The following TBCD variants were observed in gnomAD, a reference collection of about 807,000 sequenced individuals.
TBCD encodes tubulin folding cofactor D.
TBCD carries 105 observed loss-of-function variants against 169.3 expected under a neutral mutation model. The observed-to-expected ratio is 0.62, with a 90% confidence interval of 0.53 to 0.73. The LOEUF (loss-of-function observed/expected upper bound fraction) is 0.73, where lower values mean the gene tolerates loss of function less well. Ranked by LOEUF, TBCD falls within the 30% of genes least tolerant of loss-of-function variation. TBCD has a pLI of 0.00. For synonymous variants in TBCD, 700 were observed against 643.9 expected, an observed-to-expected ratio of 1.09 and a Z score of -1.32; for missense variants, 1,444 against 1,600.1, an observed-to-expected ratio of 0.90 and a Z score of 1.66.
chr17:82,817,565 A>G lies in TBCD; in HGVS notation c.1318+2631A>G, dbSNP rs189153108. Among the ~76,000 whole-genome samples the G allele has an allele frequency of 9.9e-5, 15 of 152,168 alleles. No individual in the cohort carries two copies. In the East Asian group the frequency reaches 2.9e-3, roughly 29 times the overall value. ...CCCCGCTTCAGCCTCCCAAAGTGCT[A>G]GGATTATAGGCGTGAGCTACTGCAC... On this transcript the variant is annotated intron_variant, in intron 13 of 38. Coordinates refer to ENST00000355528, the MANE Select transcript of TBCD (RefSeq NM_005993.5).
In TBCD at chr17:82,833,216, G is replaced by A. The variant is rs948024526; in HGVS notation, c.1318+18282G>A. Among the ~76,000 whole-genome samples the A allele has an allele frequency of 9.9e-5, 15 of 152,034 alleles. No individual in the cohort carries two copies. The highest frequency in any genetic ancestry group is 1.8e-4 in the Non-Finnish European group (12 of 68,006). ...TTACACAGAGCGTGGGCTGGCCACC[G>A]TCTACTTGCTCCTACCTGCTGGCTG... On this transcript the variant is annotated intron_variant, in intron 13 of 38. Coordinates refer to ENST00000355528, the MANE Select transcript of TBCD (RefSeq NM_005993.5). The surrounding 1 kb of genome is among the most constrained non-coding windows in gnomAD (Gnocchi z 4.7).
At chr17:82,909,253 T>A in intron 21 of TBCD, 32 bp from the exon 22 acceptor site, 1 of 1,454,296 alleles carries the variant, frequency 6.9e-7, no homozygotes, top group Non-Finnish European at 9.4e-7. Flanking sequence ...AAAATTTAAA[T>A]CATTAAATAA....
At chr17:82,771,104 C>T (rs985585935) in intron 5 of TBCD, among the ~76,000 whole-genome samples, 9 of 147,856 alleles carry the variant, frequency 6.1e-5, no homozygotes, top group Admixed American at 3.4e-4. Flanking sequence ...CTAAGTGTAT[C>T]GTTATGGGAA....
intron 15 of TBCD, among the ~76,000 whole-genome samples, chr17:82,886,752 C>T (rs2058743258): frequency 7.1e-6 from 1 of 141,386 alleles, no homozygotes; most frequent in African/African-American, 2.6e-5. Context: ...TTATTGCAAC[C>T]TCGGCCTCCC....
chr17:82,929,179 C>T lies in TBCD; in HGVS notation c.2760C>T (p.His920=), dbSNP rs553296902. The change falls in exon 31 of 39, where the codon CAC becomes CAT. Residue 920 remains histidine (H), a synonymous_variant. Transcript: ENST00000355528. Reference sequence around the variant, plus strand: ...AGAAGATTGACCGTTTCCGTGCTCACGCCGCCAGCGTGTTCCTGACGCTCC... The same window carrying T: ...AGAAGATTGACCGTTTCCGTGCTCATGCCGCCAGCGTGTTCCTGACGCTCC... ...ASEKIDRFRA[H]AASVFLTLLH... is the part of the protein sequence containing the mutation. 104 of 1,613,784 alleles carry T rather than the reference C, an allele frequency of 6.4e-5. No individual in the cohort carries two copies. Among genetic ancestry groups the T allele is most frequent in the Non-Finnish European group, 7.8e-5 (92 of 1,179,886 alleles).
intron 13 of TBCD, among the ~76,000 whole-genome samples, chr17:82,828,045 G>A (rs377435228): frequency 8.4e-4 from 124 of 147,696 alleles, no homozygotes; most frequent in Middle Eastern, 7.9e-3. Flanking sequence ...GATTCAATAT[G>A]CATACACCCA....
At position 82,884,083 on chromosome 17, in the gene TBCD, A is replaced by G. The variant is rs369841600; in HGVS notation, c.1476-62A>G. The G allele has an allele frequency of 1.5e-4, 215 of 1,476,792 alleles. 1 individual carries two copies. The African/African-American group carries it at 2.7e-3, about 18-fold the overall frequency. 91.5% of individuals were successfully genotyped at this position (1,476,792 alleles called of 1,614,324 possible). On this transcript the variant is annotated intron_variant, in intron 14 of 38. Transcript: ENST00000355528. This position sits in a 1 kb window ranked among gnomAD's most constrained non-coding sequence, Gnocchi z 4.2. ...GTGAGAGAAAGGCTTTCTCATCGATACTGTGTGGTCTGTACTGTTTTGCAG... is the reference window on the plus strand; with the variant it reads ...GTGAGAGAAAGGCTTTCTCATCGATGCTGTGTGGTCTGTACTGTTTTGCAG...
chr17:82,814,160 A>G (rs1431132806), intron 12 of TBCD, among the ~76,000 whole-genome samples: 1 of 152,218 alleles, frequency 6.6e-6, no homozygotes, highest in Non-Finnish European at 1.5e-5. Context: ...TGAAATGCCA[A>G]TTCATTATTG....
chr17:82,856,734 CCG>C lies in TBCD; in HGVS notation c.1319-13487_1319-13486del, dbSNP rs2056315885. 4.0e-5 allele frequency among the ~76,000 whole-genome samples: 6 copies of C among 149,108 alleles called. No individual in the cohort carries two copies. In the East Asian group the frequency reaches 7.8e-4, roughly 19 times the overall value. On this transcript the variant is annotated intron_variant, in intron 13 of 38. Coordinates refer to ENST00000355528, the MANE Select transcript of TBCD (RefSeq NM_005993.5). ...GCGCATCCAGGGCGGGATCGCTGGACCGCGTGCGGACCCTCGCTGCGCATCCA... is the reference window on the plus strand; with the variant it reads ...GCGCATCCAGGGCGGGATCGCTGGACCGTGCGGACCCTCGCTGCGCATCCA...
intron 38 of TBCD, 103 bp downstream of exon 38, chr17:82,941,586 G>T: frequency 1.9e-6 from 2 of 1,035,470 alleles, no homozygotes; most frequent in South Asian, 3.0e-5. Flanking sequence ...ACGTCCACAC[G>T]GCCCGTTCCC....
chr17:82,792,226 C>G (rs946032860), intron 7 of TBCD, among the ~76,000 whole-genome samples: 6 of 151,562 alleles, frequency 4.0e-5, no homozygotes, highest in African/African-American at 1.5e-4. Flanking sequence ...GAGAATCGCT[C>G]GAACCCAGGA....
intron 7 of TBCD, among the ~76,000 whole-genome samples, chr17:82,796,862 G>A (rs1201414641): frequency 1.3e-5 from 2 of 152,220 alleles, no homozygotes; most frequent in Non-Finnish European, 2.9e-5. Flanking sequence ...TTTAGTGAAA[G>A]CCTCTTCACC....
chr17:82,808,889 A>G (rs147371484), intron 11 of TBCD, among the ~76,000 whole-genome samples: 213 of 98,372 alleles, frequency 2.2e-3, no homozygotes, highest in Middle Eastern at 8.1e-3. Flanking sequence ...GGTCCCTGCT[A>G]TGGAGGGGAC....
At chr17:82,809,379 C>T (rs976784260) in intron 11 of TBCD, among the ~76,000 whole-genome samples, 2 of 152,124 alleles carry the variant, frequency 1.3e-5, no homozygotes, top group African/African-American at 4.8e-5. Flanking sequence ...TAGGGAGGGT[C>T]AGGGTGAAGC....
At chr17:82,872,692 A>G (rs2057668875) in intron 14 of TBCD, among the ~76,000 whole-genome samples, 1 of 152,226 alleles carries the variant, frequency 6.6e-6, no homozygotes, top group African/African-American at 2.4e-5. Flanking sequence ...AGAACGAGAA[A>G]ACTTCCTTAC....
chr17:82,793,125 A>C (rs546283192), intron 7 of TBCD, among the ~76,000 whole-genome samples: 1 of 152,156 alleles, frequency 6.6e-6, no homozygotes, highest in Non-Finnish European at 1.5e-5. Flanking sequence ...TCAGAAATTT[A>C]TTTTGTCAGA....
At chr17:82,927,105 G>T in intron 28 of TBCD, 81 bp from the exon 29 acceptor site, 1 of 1,578,988 alleles carries the variant, frequency 6.3e-7, no homozygotes, top group Non-Finnish European at 8.6e-7. Flanking sequence ...CTCAGGATCA[G>T]GAACACACAT....
chr17:82,936,989 G>A (rs1433349426), intron 34 of TBCD, among the ~76,000 whole-genome samples: 2 of 152,208 alleles, frequency 1.3e-5, no homozygotes, highest in Non-Finnish European at 2.9e-5. Context: ...CCTGGGGCCT[G>A]GAAAGGGAGG....
chr17:82,754,262 A>G (rs2047285951), intron 1 of TBCD, among the ~76,000 whole-genome samples: 1 of 152,122 alleles, frequency 6.6e-6, no homozygotes, highest in Non-Finnish European at 1.5e-5. Flanking sequence ...GGTTAGGGGT[A>G]TACAATCATA....
Sources: gnomAD v4.1 joint callset for allele counts (sites outside exome capture counted in the v4.1 genomes callset) on GRCh38, gnomAD v4.1.1 for gene constraint, Gnocchi (gnomAD v3.1) non-coding constraint, MANE v1.5 for transcripts, NCBI Gene and HGNC (gene_info 2026-07-23, HGNC 2026-07-21) for gene names.